Variants in GPN2 observed in about 807,000 individuals in gnomAD.
GPN2 encodes the protein GPN-loop GTPase 2, also known as ATP-binding domain 1 family member B.
In GPN2, 27 loss-of-function variants were observed where a neutral mutation model predicts 30.1. The observed-to-expected ratio is 0.90, with a 90% CI of 0.66 to 1.24. GPN2 has a LOEUF of 1.24. GPN2 is among the 50% of genes most tolerant of loss of function. GPN2 has a pLI of 0.00. For missense variants in GPN2, 406 were observed against 405.4 expected, an observed-to-expected ratio of 1.00 and a Z score of -0.01; for synonymous variants, 212 against 174.4, an observed-to-expected ratio of 1.22 and a Z score of -1.70.
chr1:26,876,223 T>G lies in GPN2; in HGVS notation c.*3454A>C, dbSNP rs896788380. 15 of 152,046 alleles carry G rather than the reference T, an allele frequency of 9.9e-5. No individual in the cohort carries two copies. The highest frequency in any genetic ancestry group is 9.8e-4 in the Admixed American group (15 of 15,272). 9.4% of individuals were successfully genotyped at this position (152,046 alleles called of 1,614,324 possible). Reference sequence around the variant, plus strand: ...ATTCTGGGTGACTCATTTTCGTTTTTTTTTTTTTTGAGATGTACTTTCCAT... The same window carrying G: ...ATTCTGGGTGACTCATTTTCGTTTTGTTTTTTTTTGAGATGTACTTTCCAT... On this transcript the variant is annotated 3_prime_UTR_variant, in exon 5 of 5. Transcript: ENST00000374135.
At position 26,877,271 on chromosome 1, in the gene GPN2, G is replaced by A. The variant is rs1268129761; in HGVS notation, c.*2406C>T. 2 of 152,216 alleles carry A rather than the reference G, an allele frequency of 1.3e-5. No homozygotes were observed. The highest frequency in any genetic ancestry group is 6.6e-5 in the Admixed American group (1 of 15,258). 9.4% of individuals were successfully genotyped at this position (152,216 alleles called of 1,614,324 possible). ...TTTACAGCCAGGCGTGGGAGCTGAG[G>A]TTGCTTTCATACTGTTCCAGCCACA... On this transcript the variant is annotated 3_prime_UTR_variant, in exon 5 of 5. Coordinates refer to ENST00000374135, the MANE Select transcript of GPN2 (RefSeq NM_018066.4).
intron 4 of GPN2, among the ~76,000 whole-genome samples, chr1:26,880,631 T>TAA (rs1192731741): frequency 6.9e-6 from 1 of 145,892 alleles, no homozygotes; most frequent in Non-Finnish European, 1.5e-5. Context: ...TTTTATACTT[T>TAA]AAAAAAAAAA....
chr1:26,885,427 A>G (rs1185484116), intron 3 of GPN2, among the ~76,000 whole-genome samples: 1 of 152,074 alleles, frequency 6.6e-6, no homozygotes, highest in African/African-American at 2.4e-5. Flanking sequence ...TTCACAGAGG[A>G]CAGAACATGT....
chr1:26,882,110 G>A (rs369452134), intron 4 of GPN2, among the ~76,000 whole-genome samples: 8 of 151,952 alleles, frequency 5.3e-5, no homozygotes, highest in South Asian at 2.1e-4. Context: ...CCACTTACTC[G>A]GGAGGCTGAG....
chr1:26,884,396 T>C (rs2081880654), intron 3 of GPN2, 106 bp from the exon 4 acceptor site: 1 of 1,173,054 alleles, frequency 8.5e-7, no homozygotes, highest in South Asian at 1.6e-5. Flanking sequence ...TACCTGTAGC[T>C]TTCTTGGCCT....
In GPN2 at chr1:26,879,767, A is replaced by T. The variant is rs771660482; in HGVS notation, c.861-18T>A. On this transcript the variant is annotated intron_variant, in intron 4 of 4. Transcript: ENST00000374135. The stretch of plus-strand genomic sequence containing the variant: ...CCAGTGTGCTGAGGAAGGGTGCGTC[A>T]AGGCTGATAGCATAGGCAGAGGATG... 1 of 1,598,204 alleles carries T rather than the reference A, an allele frequency of 6.3e-7. No homozygotes were observed. The highest frequency in any genetic ancestry group is 1.7e-5 in the Admixed American group (1 of 59,844).
In GPN2 at chr1:26,889,788, G is replaced by A. The variant is rs528924926; in HGVS notation, c.309C>T (p.Arg103=). 6.2e-7 allele frequency: 1 copy of A among 1,613,896 alleles called. No homozygotes were observed. Among genetic ancestry groups the A allele is most frequent in the Non-Finnish European group, 8.5e-7 (1 of 1,180,026 alleles). The part of the protein sequence containing the change: ...DWLRAKLDPL[R]GHYFLFDCPG... Reference sequence around the variant, plus strand: ...GGCAGTCGAAGAGGAAGTAGTGGCCGCGGAGGGGGTCGAGCTTGGCACGCA... The same window carrying A: ...GGCAGTCGAAGAGGAAGTAGTGGCCACGGAGGGGGTCGAGCTTGGCACGCA... The change falls in exon 1 of 5, where the codon CGC becomes CGT. Residue 103 remains arginine (R), a synonymous_variant. Transcript: ENST00000374135.
In GPN2 at chr1:26,879,345, CG is replaced by C. The variant is rs945501765; in HGVS notation, c.*331del. On this transcript the variant is annotated 3_prime_UTR_variant, in exon 5 of 5. Coordinates refer to ENST00000374135, the MANE Select transcript of GPN2 (RefSeq NM_018066.4). Reference sequence around the variant, plus strand: ...TCATTCTTCCCCAAACCCCTGGGCCCGGAAGACTGAAGAAAAGTTTGGAAGT... The same window carrying C: ...TCATTCTTCCCCAAACCCCTGGGCCCGAAGACTGAAGAAAAGTTTGGAAGT... 2 of 278,766 alleles carry C rather than the reference CG, an allele frequency of 7.2e-6. No individual in the cohort carries two copies. Among genetic ancestry groups the C allele is most frequent in the African/African-American group, 4.2e-5 (2 of 47,218 alleles). The allele number at this position is 278,766 out of a possible 1,614,324, so 17.3% of individuals were successfully genotyped here.
At position 26,879,511 on chromosome 1, in the gene GPN2, A is replaced by G; in HGVS notation, c.*166T>C. On this transcript the variant is annotated 3_prime_UTR_variant, in exon 5 of 5. Transcript: ENST00000374135. ...TATGGGGGGTGTTCTGCTTGGCACC[A>G]TGTCTGGCTTTTTGGCCAGAAGTCC... 2 of 627,336 alleles carry G rather than the reference A, an allele frequency of 3.2e-6. No individual in the cohort carries two copies. The highest frequency in any genetic ancestry group is 5.9e-6 in the Non-Finnish European group (2 of 341,512). The allele number at this position is 627,336 out of a possible 1,614,324, so 38.9% of individuals were successfully genotyped here.
intron 4 of GPN2, among the ~76,000 whole-genome samples, chr1:26,882,814 C>G (rs923423376): frequency 8.5e-5 from 13 of 152,150 alleles, no homozygotes; most frequent in African/African-American, 3.1e-4. Context: ...TCCCATGGAC[C>G]CCTGAACACA....
chr1:26,885,553 T>C (rs983026535), intron 3 of GPN2, among the ~76,000 whole-genome samples: 2 of 150,754 alleles, frequency 1.3e-5, no homozygotes, highest in Admixed American at 6.6e-5. Context: ...CTCTCAGTGA[T>C]ACTCAACCCA....
At position 26,884,185 on chromosome 1, in the gene GPN2, T is replaced by C. The variant is rs200434003; in HGVS notation, c.835A>G (p.Met279Val). ...RSLEAMMSAA[M>V]GADFHFSSTL... ...GAAGAGAAATGGAAGTCGGCTCCCA[T>C]TGCGGCAGACATCATGGCTTCCAAG... Residue 279 changes from methionine to valine, a missense_variant, in exon 4 of 5, where the codon ATG (methionine) becomes GTG (valine). Coordinates refer to ENST00000374135, the MANE Select transcript of GPN2 (RefSeq NM_018066.4). The C allele has an allele frequency of 5.0e-5, 81 of 1,613,748 alleles. No individual in the cohort carries two copies. Among genetic ancestry groups the C allele is most frequent in the African/African-American group, 1.5e-4 (11 of 74,904 alleles).
In GPN2 at chr1:26,889,264, G is replaced by C. The variant is rs115145723; in HGVS notation, c.412-139C>G. On this transcript the variant is annotated intron_variant, in intron 1 of 4. Transcript: ENST00000374135. ...CTGTTTCTTTCTAATAACCACCCTGGTTTCCTTCTCCCAGGAAATAGGAGT... is the reference window on the plus strand; with the variant it reads ...CTGTTTCTTTCTAATAACCACCCTGCTTTCCTTCTCCCAGGAAATAGGAGT... 1.1e-3 allele frequency: 783 copies of C among 686,824 alleles called. 4 individuals are homozygous for C. The African/African-American group carries it at 0.013, about 11-fold the overall frequency. 42.5% of individuals were successfully genotyped at this position (686,824 alleles called of 1,614,324 possible). A position where few individuals can be genotyped will look rare whatever the true frequency, so the allele number is the denominator to read the frequency against.
intron 3 of GPN2, among the ~76,000 whole-genome samples, 177 bp from the exon 4 acceptor site, chr1:26,884,467 A>C (rs1213644178): frequency 6.6e-6 from 1 of 151,900 alleles, no homozygotes; most frequent in Non-Finnish European, 1.5e-5. Context: ...CCACCAACTC[A>C]CTCAGATTAG....
chr1:26,882,086 G>A (rs373900506), intron 4 of GPN2, among the ~76,000 whole-genome samples: 43 of 152,036 alleles, frequency 2.8e-4, no homozygotes, highest in African/African-American at 1.0e-3. Flanking sequence ...GCGTGGTGGC[G>A]GGCGCCTATT....
At chr1:26,885,091 T>C (rs2081883745) in intron 3 of GPN2, among the ~76,000 whole-genome samples, 1 of 152,178 alleles carries the variant, frequency 6.6e-6, no homozygotes, top group African/African-American at 2.4e-5. Context: ...ATTATGTATG[T>C]GTAGTCCTTA....
At chr1:26,883,948 G>C (rs556890072) in intron 4 of GPN2, among the ~76,000 whole-genome samples, 4 of 151,780 alleles carry the variant, frequency 2.6e-5, no homozygotes, top group South Asian at 2.1e-4. Context: ...GCTGGGGCAG[G>C]AGAGTGGCGT....
rs2081854069 is a variant in GPN2, at chr1:26,879,456, G to A, written c.*221C>T. On this transcript the variant is annotated 3_prime_UTR_variant, in exon 5 of 5. Coordinates refer to ENST00000374135, the MANE Select transcript of GPN2 (RefSeq NM_018066.4). ...ACCAGTGCTCGACTTTCTGGTGGCA[G>A]GGCCCAGAGCTCACGGACACCACTG... 1.8e-6 allele frequency: 1 copy of A among 544,468 alleles called. No individual in the cohort carries two copies. The highest frequency in any genetic ancestry group is 3.3e-6 in the Non-Finnish European group (1 of 300,128). 33.7% of individuals were successfully genotyped at this position (544,468 alleles called of 1,614,324 possible). A position where few individuals can be genotyped will look rare whatever the true frequency, so the allele number is the denominator to read the frequency against.
chr1:26,881,070 C>A (rs1003262831), intron 4 of GPN2, among the ~76,000 whole-genome samples: 1 of 152,192 alleles, frequency 6.6e-6, no homozygotes, highest in Non-Finnish European at 1.5e-5. Flanking sequence ...TAAAAATACT[C>A]TTTAAAATTC....
Sources: allele counts gnomAD v4.1 joint callset (sites outside exome capture counted in the v4.1 genomes callset), GRCh38; gene constraint gnomAD v4.1.1; transcripts MANE v1.5; gene names NCBI Gene and HGNC (gene_info 2026-07-23, HGNC 2026-07-21).